Variants in CALHM1 observed in about 807,000 individuals in gnomAD.
The protein encoded by CALHM1 is calcium homeostasis modulator 1.
Under a neutral mutation model 14.8 loss-of-function variants are expected in CALHM1, and 11 were observed. The ratio of observed to expected loss-of-function variants is 0.74; its 90% CI spans 0.47 to 1.23. The LOEUF (loss-of-function observed/expected upper bound fraction) is 1.23. CALHM1 is among the 50% of genes most tolerant of loss of function. The pLI is 0.00. For missense variants in CALHM1, 458 were observed against 496.4 expected (o/e 0.92, Z 0.74); for synonymous variants, 215 against 218.9 (o/e 0.98, Z 0.16).
chr10:103,458,823 G>C lies in CALHM1; in HGVS notation c.-72C>G. 6.8e-7 allele frequency: 1 copy of C among 1,473,070 alleles called. No homozygotes were observed. 91.2% of individuals were successfully genotyped at this position (1,473,070 alleles called of 1,614,324 possible). A position where few individuals can be genotyped will look rare whatever the true frequency, so the allele number is the denominator to read the frequency against. On this transcript the variant is annotated 5_prime_UTR_variant, in exon 1 of 2. Transcript: ENST00000329905. This position sits in a 1 kb window ranked among gnomAD's most constrained non-coding sequence, Gnocchi z 4.9. ...CAAGAGGGCCCCTGCTGCCCACCCT[G>C]CCCACTGGGTGCCCACCTCATGACT...
chr10:103,455,316 C>G lies in CALHM1; in HGVS notation c.987G>C (p.Gly329=), dbSNP rs372966349. The change falls in exon 2 of 2, where the codon GGG becomes GGC. Residue 329 remains glycine (G), a synonymous_variant. Coordinates refer to ENST00000329905, the MANE Select transcript of CALHM1 (RefSeq NM_001001412.4). ...CCTTACGCGGAGGCCGGGGCCCACCCCCAGCCCAGCCGTTGCCCATCAGCG... is the reference window on the plus strand; with the variant it reads ...CCTTACGCGGAGGCCGGGGCCCACCGCCAGCCCAGCCGTTGCCCATCAGCG... ...EPPLMGNGWA[G]GGPRPPRKEV... is the part of the protein sequence containing the mutation. 10 of 1,613,226 alleles carry G rather than the reference C, an allele frequency of 6.2e-6. No individual in the cohort carries two copies. Among genetic ancestry groups the G allele is most frequent in the African/African-American group, 4.0e-5 (3 of 74,954 alleles).
intron 1 of CALHM1, among the ~76,000 whole-genome samples, chr10:103,456,262 C>T (rs1048289023): frequency 3.9e-5 from 6 of 152,198 alleles, no homozygotes; most frequent in African/African-American, 1.4e-4. Context: ...ACTTACTGTG[C>T]CTCTTCTTTC....
rs2033190296 is a variant in CALHM1, at chr10:103,458,819, C to T, written c.-68G>A. 2.0e-6 allele frequency: 3 copies of T among 1,492,482 alleles called. No individual in the cohort carries two copies. Among genetic ancestry groups the T allele is most frequent in the East Asian group, 2.3e-5 (1 of 42,978 alleles). 92.5% of individuals were successfully genotyped at this position (1,492,482 alleles called of 1,614,324 possible). Reference sequence around the variant, plus strand: ...CCTCCAAGAGGGCCCCTGCTGCCCACCCTGCCCACTGGGTGCCCACCTCAT... The same window carrying T: ...CCTCCAAGAGGGCCCCTGCTGCCCATCCTGCCCACTGGGTGCCCACCTCAT... On this transcript the variant is annotated 5_prime_UTR_variant, in exon 1 of 2. The change creates a new upstream start codon in the 5' untranslated region. Coordinates refer to ENST00000329905, the MANE Select transcript of CALHM1 (RefSeq NM_001001412.4). This position sits in a 1 kb window ranked among gnomAD's most constrained non-coding sequence, Gnocchi z 4.9.
rs770402855 is a variant in CALHM1 at position 103,458,462 on chromosome 10, C to G, written c.290G>C (p.Arg97Pro). 1 of 1,613,072 alleles carries G rather than the reference C, an allele frequency of 6.2e-7. No homozygotes were observed. The highest frequency in any genetic ancestry group is 2.2e-5 in the East Asian group (1 of 44,870). ...CTGGGCCATGGAGCAGAACATGTAG[C>G]GCAACACAGCGGGGTCCTTGGCCCG... Reference protein sequence around the residue: ...GRRAKDPAVLRYMFCSMAQRA... With the variant: ...GRRAKDPAVLPYMFCSMAQRA... The change falls in exon 1 of 2, where the codon CGC becomes CCC. Residue 97 changes from arginine to proline, a missense_variant. Physicochemically the swap from Arg to Pro is moderately radical, Grantham distance 103. Coordinates refer to ENST00000329905, the MANE Select transcript of CALHM1 (RefSeq NM_001001412.4). The surrounding 1 kb of genome is among the most constrained non-coding windows in gnomAD (Gnocchi z 4.9).
At position 103,455,241 on chromosome 10, in the gene CALHM1, G is replaced by A. The variant is rs201259355; in HGVS notation, c.*21C>T. On this transcript the variant is annotated 3_prime_UTR_variant, in exon 2 of 2. Transcript: ENST00000329905. ...GCTGTGGGCTCAGATCCCCGTTCCT[G>A]CCTCTTCAGCTGGCCACACCTCACA... The A allele has an allele frequency of 1.3e-5, 21 of 1,559,328 alleles. No homozygotes were observed. In the East Asian group the frequency reaches 4.7e-4, roughly 35 times the overall value.
At position 103,458,657 on chromosome 10, in the gene CALHM1, G is replaced by A. The variant is rs1458297595; in HGVS notation, c.95C>T (p.Ala32Val). ...GAAGTCGAAGGCCGAGTACATCTGG[G>A]CACTGGCCAGGGCCATGATGCCACA... The part of the protein sequence containing the change: ...GICGIMALAS[A>V]QMYSAFDFNC... The change falls in exon 1 of 2, where the codon GCC (alanine) becomes GTC (valine). Residue 32 changes from alanine to valine, a missense_variant. Transcript: ENST00000329905. The surrounding 1 kb of genome is among the most constrained non-coding windows in gnomAD (Gnocchi z 4.9). 1 of 1,614,044 alleles carries A rather than the reference G, an allele frequency of 6.2e-7. No individual in the cohort carries two copies. Among genetic ancestry groups the A allele is most frequent in the South Asian group, 1.1e-5 (1 of 91,084 alleles).
Position 103,458,175 on chromosome 10 carries a change from GT to G in CALHM1, c.555+21del. 6.2e-7 allele frequency: 1 copy of G among 1,610,812 alleles called. No homozygotes were observed. The highest frequency in any genetic ancestry group is 8.5e-7 in the Non-Finnish European group (1 of 1,179,456). On this transcript the variant is annotated intron_variant, in intron 1 of 1. Coordinates refer to ENST00000329905, the MANE Select transcript of CALHM1 (RefSeq NM_001001412.4). This position sits in a 1 kb window ranked among gnomAD's most constrained non-coding sequence, Gnocchi z 4.9. ...CCTTGATCTGCCAGGGAGACCCAGC[GT>G]GAAGCCATGCGGCCCCTCACCTGGG...
rs551766107 is a variant in CALHM1 at position 103,455,462 on chromosome 10, C to A, written c.841G>T (p.Asp281Tyr). Residue 281 changes from aspartate (D) to tyrosine (Y), a missense_variant, in exon 2 of 2, where the codon GAT (aspartate) becomes TAT (tyrosine). Physicochemically the swap from Asp to Tyr is radical, Grantham distance 160. Transcript: ENST00000329905. ...PASAAAPTTP[D>Y]GAEEEREKLR... ...TTCTCCCTTTCCTCCTCCGCACCAT[C>A]GGGGGTCGTGGGGGCAGCTGCGGAA... The A allele has an allele frequency of 6.2e-7, 1 of 1,613,674 alleles. No individual in the cohort carries two copies. The highest frequency in any genetic ancestry group is 2.2e-5 in the East Asian group (1 of 44,884).
At chr10:103,457,869 C>G (rs937142097) in intron 1 of CALHM1, among the ~76,000 whole-genome samples, 1 of 152,216 alleles carries the variant, frequency 6.6e-6, no homozygotes, top group African/African-American at 2.4e-5. Flanking sequence ...TGCCGAGGCC[C>G]GGAAGAGGGA....
rs1391597312 is a variant in CALHM1, at chr10:103,455,382, G to T, written c.921C>A (p.His307Gln). The T allele has an allele frequency of 1.9e-6, 3 of 1,613,940 alleles. No homozygotes were observed. Among genetic ancestry groups the T allele is most frequent in the Non-Finnish European group, 2.5e-6 (3 of 1,180,046 alleles). Residue 307 changes from histidine to glutamine, a missense_variant, in exon 2 of 2, where the codon CAC becomes CAA. Transcript: ENST00000329905. ...CCAGCCGCAGAGGCGGTTTGCATTT[G>T]TGCCAGCTCGTGAGCAGCCTGTTCA... The part of the protein sequence containing the change: ...GTMNRLLTSW[H>Q]KCKPPLRLGQ...
chr10:103,458,440 G>A lies in CALHM1; in HGVS notation c.312C>T (p.Ala104=). 1 of 1,612,080 alleles carries A rather than the reference G, an allele frequency of 6.2e-7. No individual in the cohort carries two copies. The highest frequency in any genetic ancestry group is 8.5e-7 in the Non-Finnish European group (1 of 1,179,098). ...CGACAGGCGCGATGAGGGCGCGCTG[G>A]GCCATGGAGCAGAACATGTAGCGCA... ...AVLRYMFCSM[A]QRALIAPVVW... The change falls in exon 1 of 2, where the codon GCC becomes GCT. Residue 104 remains alanine (A), a synonymous_variant. Transcript: ENST00000329905. The surrounding 1 kb of genome is among the most constrained non-coding windows in gnomAD (Gnocchi z 4.9).
intron 1 of CALHM1, among the ~76,000 whole-genome samples, chr10:103,457,753 G>T (rs1332133645): frequency 6.6e-6 from 1 of 152,176 alleles, no homozygotes; most frequent in Non-Finnish European, 1.5e-5. Context: ...CCCCCTTCCA[G>T]GACACCCTGG....
Position 103,455,391 on chromosome 10 carries a change from C to T in CALHM1, c.912G>A (p.Thr304=), listed in dbSNP as rs200618060. The T allele has an allele frequency of 1.2e-4, 188 of 1,613,856 alleles. 2 individuals are homozygous for T. Among genetic ancestry groups the T allele is most frequent in the Admixed American group, 1.0e-4 (6 of 60,014 alleles). The change falls in exon 2 of 2, where the codon ACG becomes ACA. Residue 304 remains threonine (T), a synonymous_variant. Transcript: ENST00000329905. The part of the protein sequence containing the change: ...TDQGTMNRLL[T]SWHKCKPPLR... The stretch of plus-strand genomic sequence containing the variant: ...GAGGCGGTTTGCATTTGTGCCAGCT[C>T]GTGAGCAGCCTGTTCATGGTGCCTT...
intron 1 of CALHM1, among the ~76,000 whole-genome samples, chr10:103,457,267 T>C (rs957579933): frequency 6.6e-6 from 1 of 152,222 alleles, no homozygotes. Context: ...GCCAAGGCCC[T>C]GAGGCCGGGG....
Position 103,455,154 on chromosome 10 carries a change from T to A in CALHM1, c.*108A>T. On this transcript the variant is annotated 3_prime_UTR_variant, in exon 2 of 2. Coordinates refer to ENST00000329905, the MANE Select transcript of CALHM1 (RefSeq NM_001001412.4). ...GAGTGCTAGGGAGTGTGGATCTGCC[T>A]AGGGGAGTACTGCCCAGCACTGAAA... 7.0e-7 allele frequency: 1 copy of A among 1,423,870 alleles called. No individual in the cohort carries two copies. Among genetic ancestry groups the A allele is most frequent in the Admixed American group, 2.7e-5 (1 of 37,246 alleles). The allele number at this position is 1,423,870 out of a possible 1,614,324, so 88.2% of individuals were successfully genotyped here.
In CALHM1 at chr10:103,455,334, C is replaced by G; in HGVS notation, c.969G>C (p.Met323Ile). ...GCCCACCCCCAGCCCAGCCGTTGCC[C>G]ATCAGCGGTGGCTCCTCCTGGCCCA... ...LRLGQEEPPL[M>I]GNGWAGGGPR... Residue 323 changes from methionine to isoleucine, a missense_variant, in exon 2 of 2, where the codon ATG becomes ATC. By Grantham distance (10) the Met-to-Ile change is conservative. Transcript: ENST00000329905. 3 of 1,613,606 alleles carry G rather than the reference C, an allele frequency of 1.9e-6. No homozygotes were observed. Among genetic ancestry groups the G allele is most frequent in the Non-Finnish European group, 2.5e-6 (3 of 1,179,998 alleles).
rs781100922 is a variant in CALHM1 at position 103,458,177 on chromosome 10, G to A, written c.555+20C>T. On this transcript the variant is annotated intron_variant, in intron 1 of 1. Transcript: ENST00000329905. The surrounding 1 kb of genome is among the most constrained non-coding windows in gnomAD (Gnocchi z 4.9). The stretch of plus-strand genomic sequence containing the variant: ...TTGATCTGCCAGGGAGACCCAGCGT[G>A]AAGCCATGCGGCCCCTCACCTGGGA... 3.1e-6 allele frequency: 5 copies of A among 1,610,984 alleles called. No individual in the cohort carries two copies. The highest frequency in any genetic ancestry group is 4.2e-6 in the Non-Finnish European group (5 of 1,179,532).
Position 103,453,548 on chromosome 10 carries a change from A to G in CALHM1, c.*1714T>C, listed in dbSNP as rs2033095683. On this transcript the variant is annotated 3_prime_UTR_variant, in exon 2 of 2. Coordinates refer to ENST00000329905, the MANE Select transcript of CALHM1 (RefSeq NM_001001412.4). ...AGTGCTGGGATTACAGGCATGAGCCACTCCGCCTGGCCAAGCAGGTCTTCT... is the reference window on the plus strand; with the variant it reads ...AGTGCTGGGATTACAGGCATGAGCCGCTCCGCCTGGCCAAGCAGGTCTTCT... 6.6e-6 allele frequency: 1 copy of G among 151,918 alleles called. No individual in the cohort carries two copies. The highest frequency in any genetic ancestry group is 6.6e-5 in the Admixed American group (1 of 15,214). The allele number at this position is 151,918 out of a possible 1,614,324, so 9.4% of individuals were successfully genotyped here.
At position 103,458,473 on chromosome 10, in the gene CALHM1, G is replaced by A. The variant is rs1052246091; in HGVS notation, c.279C>T (p.Pro93=). The A allele has an allele frequency of 9.9e-6, 16 of 1,613,230 alleles. No homozygotes were observed. Among genetic ancestry groups the A allele is most frequent in the Non-Finnish European group, 1.3e-5 (15 of 1,179,940 alleles). The change falls in exon 1 of 2, where the codon CCC becomes CCT. Residue 93 remains proline, a synonymous_variant. Coordinates refer to ENST00000329905, the MANE Select transcript of CALHM1 (RefSeq NM_001001412.4). This position sits in a 1 kb window ranked among gnomAD's most constrained non-coding sequence, Gnocchi z 4.9. ...AGCAGAACATGTAGCGCAACACAGC[G>A]GGGTCCTTGGCCCGGCGGCCCAGCG... is the stretch of plus-strand genomic sequence containing the variant. ...KRPLGRRAKD[P]AVLRYMFCSM...
Sources: gnomAD v4.1 joint callset for allele counts (sites outside exome capture counted in the v4.1 genomes callset) on GRCh38, gnomAD v4.1.1 for gene constraint, Gnocchi (gnomAD v3.1) non-coding constraint, MANE v1.5 for transcripts, NCBI Gene and HGNC (gene_info 2026-07-23, HGNC 2026-07-21) for gene names.